Variants in MEMO1 observed in about 807,000 individuals in gnomAD.
MEMO1 encodes the protein protein MEMO1.
In MEMO1, 6 loss-of-function variants were observed where a neutral mutation model predicts 45.2. That is an observed-to-expected ratio of 0.13 (90% CI 0.07 to 0.26). The LOEUF (loss-of-function observed/expected upper bound fraction) is 0.26. MEMO1 is among the 10% of genes least tolerant of loss of function. MEMO1 has a pLI of 1.00. For missense variants in MEMO1, 184 were observed against 370.5 expected (o/e 0.50, Z 4.13); for synonymous variants, 78 against 124.3 (o/e 0.63, Z 2.48).
chr2:31,997,370 A>AT (rs1672736963), intron 2 of MEMO1, among the ~76,000 whole-genome samples: 1 of 152,146 alleles, frequency 6.6e-6, no homozygotes, highest in South Asian at 2.1e-4. Context: ...GACACACTAT[A>AT]TACAGAGAAA....
intron 3 of MEMO1, among the ~76,000 whole-genome samples, chr2:31,933,993 T>A (rs971268513): frequency 6.6e-6 from 1 of 152,222 alleles, no homozygotes; most frequent in Non-Finnish European, 1.5e-5. Context: ...TGCTTCAGAC[T>A]GCTAACACCT....
At chr2:31,964,902 G>A (rs957053273) in intron 2 of MEMO1, among the ~76,000 whole-genome samples, 1 of 151,730 alleles carries the variant, frequency 6.6e-6, no homozygotes, top group African/African-American at 2.4e-5. Flanking sequence ...GCTATATACT[G>A]GAATGTCTGC....
chr2:31,933,348 A>AAAAAAAT (rs1558514269), intron 3 of MEMO1, among the ~76,000 whole-genome samples: 2 of 16,182 alleles, frequency 1.2e-4, no homozygotes, highest in African/African-American at 4.9e-4. Flanking sequence ...AAAAAAAAAA[A>AAAAAAAT]ATTTATATAT....
intron 2 of MEMO1, among the ~76,000 whole-genome samples, chr2:31,986,953 A>G (rs1040793505): frequency 6.6e-6 from 1 of 152,132 alleles, no homozygotes; most frequent in Non-Finnish European, 1.5e-5. Context: ...CAAGGGCCCT[A>G]AAGTAAAGAG....
intron 8 of MEMO1, among the ~76,000 whole-genome samples, chr2:31,875,862 T>G (rs945503050): frequency 6.6e-6 from 1 of 152,002 alleles, no homozygotes; most frequent in Non-Finnish European, 1.5e-5. Flanking sequence ...AATTTTTGTA[T>G]TTTTAGGAGA....
Position 31,934,914 on chromosome 2 carries a change from G to C in MEMO1, c.144-2779C>G, listed in dbSNP as rs530729887. Reference sequence around the variant, plus strand: ...CTCTATCAGTGCTGGTGGGCAAAGAGAAGCAAATGTGATAGAGTCTAAAAA... The same window carrying C: ...CTCTATCAGTGCTGGTGGGCAAAGACAAGCAAATGTGATAGAGTCTAAAAA... On this transcript the variant is annotated intron_variant, in intron 3 of 9. Coordinates refer to ENST00000404530, the MANE Select transcript of MEMO1 (RefSeq NM_001301833.4). Among the ~76,000 whole-genome samples, 8 of 152,262 alleles carry C rather than the reference G, an allele frequency of 5.3e-5. No individual in the cohort carries two copies. The South Asian group carries it at 1.7e-3, about 32-fold the overall frequency.
chr2:31,983,713 C>T (rs1477975120), intron 2 of MEMO1, among the ~76,000 whole-genome samples: 2 of 152,178 alleles, frequency 1.3e-5, no homozygotes, highest in African/African-American at 2.4e-5. Flanking sequence ...GGATTACAGG[C>T]GTGAGCCACC....
chr2:31,968,952 T>TA (rs1310445913), intron 2 of MEMO1, among the ~76,000 whole-genome samples: 2 of 151,910 alleles, frequency 1.3e-5, no homozygotes, highest in African/African-American at 2.4e-5. Context: ...AAGTAAAAGT[T>TA]AAAAAAATGG....
intron 2 of MEMO1, among the ~76,000 whole-genome samples, chr2:31,998,206 C>T (rs751010466): frequency 2.0e-5 from 3 of 151,948 alleles, no homozygotes; most frequent in Admixed American, 6.6e-5. Context: ...TTTGTAGAGA[C>T]GGGGGTCTCA....
chr2:31,925,504 T>C (rs924395287), intron 4 of MEMO1, among the ~76,000 whole-genome samples: 5 of 92,354 alleles, frequency 5.4e-5, no homozygotes, highest in African/African-American at 2.0e-4. Flanking sequence ...AAAAAATCTG[T>C]TCCCGGAGAT....
chr2:31,952,092 A>G (rs1372821808), intron 2 of MEMO1, among the ~76,000 whole-genome samples: 2 of 152,150 alleles, frequency 1.3e-5, no homozygotes, highest in Admixed American at 1.3e-4. Flanking sequence ...TCCAAAACCT[A>G]TCCAGAGCAG....
Position 31,987,026 on chromosome 2 carries a change from T to C in MEMO1, c.61+23161A>G, listed in dbSNP as rs111489498. Among the ~76,000 whole-genome samples, 277 of 152,280 alleles carry C rather than the reference T, an allele frequency of 1.8e-3. 3 individuals carry two copies. Among genetic ancestry groups the C allele is most frequent in the African/African-American group, 6.3e-3 (261 of 41,562 alleles). ...CGAAGTTTTCTGTTTTTGTTTGAGATGTGTTCTCACTCTGCCACCCAGGTT... is the reference window on the plus strand; with the variant it reads ...CGAAGTTTTCTGTTTTTGTTTGAGACGTGTTCTCACTCTGCCACCCAGGTT... On this transcript the variant is annotated intron_variant, in intron 2 of 9. Transcript: ENST00000404530.
At chr2:31,873,655 C>A (rs962791743) in intron 8 of MEMO1, among the ~76,000 whole-genome samples, 1 of 151,994 alleles carries the variant, frequency 6.6e-6, no homozygotes, top group Non-Finnish European at 1.5e-5. Context: ...GAGGCACTTA[C>A]GAAATAAAAA....
At chr2:31,898,592 T>C (rs1353393761) in intron 6 of MEMO1, among the ~76,000 whole-genome samples, 1 of 152,164 alleles carries the variant, frequency 6.6e-6, no homozygotes, top group Non-Finnish European at 1.5e-5. Context: ...TGTTATGATT[T>C]CTGTTGTTTT....
chr2:31,989,468 C>T (rs189033611), intron 2 of MEMO1, among the ~76,000 whole-genome samples: 4 of 152,172 alleles, frequency 2.6e-5, no homozygotes, highest in East Asian at 1.9e-4. Flanking sequence ...AGAAGATCTG[C>T]GTAACTCAAT....
intron 2 of MEMO1, among the ~76,000 whole-genome samples, chr2:31,986,908 G>A (rs1448390223): frequency 6.6e-6 from 1 of 152,180 alleles, no homozygotes; most frequent in East Asian, 1.9e-4. Context: ...AAAGAGCTGG[G>A]GAAAGCAATG....
At chr2:31,890,387 T>C (rs1439403073) in intron 7 of MEMO1, among the ~76,000 whole-genome samples, 1 of 152,140 alleles carries the variant, frequency 6.6e-6, no homozygotes, top group Non-Finnish European at 1.5e-5. Context: ...AAATTCACAA[T>C]ATTAAGGAAA....
At chr2:31,889,365 GAAGT>G (rs1344483343) in intron 7 of MEMO1, among the ~76,000 whole-genome samples, 1 of 152,044 alleles carries the variant, frequency 6.6e-6, no homozygotes, top group Non-Finnish European at 1.5e-5. Flanking sequence ...GTGAAATTTA[GAAGT>G]CAGTGTTATG....
intron 2 of MEMO1, among the ~76,000 whole-genome samples, chr2:31,976,691 AT>A (rs564106910): frequency 7.2e-5 from 11 of 152,200 alleles, no homozygotes; most frequent in Non-Finnish European, 1.2e-4. Flanking sequence ...TATGATCATA[AT>A]TTTTTTGCTA....
Sources: allele counts gnomAD v4.1 joint callset (sites outside exome capture counted in the v4.1 genomes callset), GRCh38; gene constraint gnomAD v4.1.1; transcripts MANE v1.5; gene names NCBI Gene and HGNC (gene_info 2026-07-23, HGNC 2026-07-21).